The following HEATR4 variants were observed in gnomAD, a reference collection of about 807,000 sequenced individuals.
HEATR4 encodes HEAT repeat containing 4.
HEATR4 carries 95 observed loss-of-function variants against 108.8 expected under a neutral mutation model. That is an observed-to-expected ratio of 0.87 (90% CI 0.74 to 1.04). HEATR4 has a LOEUF of 1.04. HEATR4 is among the 50% of genes least tolerant of loss of function. The probability of loss-of-function intolerance (pLI) is 0.00; values close to 1 mark genes in which losing one functional copy is unlikely to be tolerated. For missense variants in HEATR4, 1,152 were observed against 1,253.8 expected, an observed-to-expected ratio of 0.92 and a Z score of 1.23; for synonymous variants, 443 against 459.4, an observed-to-expected ratio of 0.96 and a Z score of 0.46.
At chr14:73,525,539 T>C (rs1888271076) in intron 2 of HEATR4, among the ~76,000 whole-genome samples, 1 of 152,170 alleles carries the variant, frequency 6.6e-6, no homozygotes, top group South Asian at 2.1e-4. Flanking sequence ...TGTTTTCTCC[T>C]GAAACAGTGG....
At position 73,537,359 on chromosome 14, in the gene HEATR4, G is replaced by T; in HGVS notation, c.-151-7115C>A. 1 of 1,192,692 alleles carries T rather than the reference G, an allele frequency of 8.4e-7. No individual in the cohort carries two copies. Among genetic ancestry groups the T allele is most frequent in the African/African-American group, 1.6e-5 (1 of 64,084 alleles). 73.9% of individuals were successfully genotyped at this position (1,192,692 alleles called of 1,614,324 possible). A position where few individuals can be genotyped will look rare whatever the true frequency, so the allele number is the denominator to read the frequency against. ...ACGGCAGCCCGAGAGGAAGAGTTGG[G>T]CAGAGTTGCAGGGGTCTCCACAGCT... On this transcript the variant is annotated intron_variant, in intron 1 of 17. Transcript: ENST00000553558.
Position 73,511,080 on chromosome 14 carries a change from G to A in HEATR4, c.1558+926C>T, listed in dbSNP as rs1014274073. On this transcript the variant is annotated intron_variant, in intron 7 of 17. Transcript: ENST00000553558. ...GGGAACAGGTGGGCATTTAACTGAA[G>A]TTCAAATTCTCAAGTAGGAAGGGGA... is the stretch of plus-strand genomic sequence containing the variant. Among the ~76,000 whole-genome samples, 3 of 152,178 alleles carry A rather than the reference G, an allele frequency of 2.0e-5. No homozygotes were observed. In the East Asian group the frequency reaches 5.8e-4, roughly 29 times the overall value.
rs753157707 is a variant in HEATR4 at position 73,492,177 on chromosome 14, T to C, written c.2844+889A>G. 2 of 1,614,018 alleles carry C rather than the reference T, an allele frequency of 1.2e-6. No individual in the cohort carries two copies. The highest frequency in any genetic ancestry group is 1.1e-5 in the South Asian group (1 of 91,084). On this transcript the variant is annotated intron_variant, in intron 17 of 17. Coordinates refer to ENST00000553558, the MANE Select transcript of HEATR4 (RefSeq NM_001220484.1). The surrounding 1 kb of genome is among the most constrained non-coding windows in gnomAD (Gnocchi z 4.9). ...CAGGACGACCTCGGTGAGCCGGTGCTGCAGACCGTGCTGGAACCTGGAGAT... is the reference window on the plus strand; with the variant it reads ...CAGGACGACCTCGGTGAGCCGGTGCCGCAGACCGTGCTGGAACCTGGAGAT...
the HEATR4 span, among the ~76,000 whole-genome samples, chr14:73,572,930 G>C: frequency 0.12 from 18,740 of 150,626 alleles, 1,705 homozygotes; most frequent in African/African-American, 0.25. Flanking sequence ...ACAGGCGTGA[G>C]CCACCGGACC....
chr14:73,491,871 C>T (rs1201837796), intron 17 of HEATR4: 4 of 1,611,140 alleles, frequency 2.5e-6, no homozygotes, highest in Admixed American at 1.7e-5. Flanking sequence ...CTGCCCGCCG[C>T]CGCGTGGTCC....
intron 10 of HEATR4, among the ~76,000 whole-genome samples, chr14:73,503,313 A>G (rs368038889): frequency 6.6e-6 from 1 of 152,214 alleles, no homozygotes; most frequent in Non-Finnish European, 1.5e-5. Flanking sequence ...ATCAGTGCCA[A>G]CATAACTTGT....
At chr14:73,537,335 C>A in intron 1 of HEATR4, 1 of 1,129,866 alleles carries the variant, frequency 8.9e-7, no homozygotes. Flanking sequence ...TAGCCTGCGA[C>A]GGCAGCCCGA....
At chr14:73,479,160 G>A (rs1211844914) in intron 17 of HEATR4, among the ~76,000 whole-genome samples, 2 of 150,666 alleles carry the variant, frequency 1.3e-5, no homozygotes, top group Non-Finnish European at 2.9e-5. Context: ...CTCTCTCCCA[G>A]GCTGGAGTGC....
the HEATR4 span, among the ~76,000 whole-genome samples, chr14:73,573,139 T>C: frequency 6.6e-6 from 1 of 151,894 alleles, no homozygotes; most frequent in Non-Finnish European, 1.5e-5. Context: ...TTCTTGGTGG[T>C]GCACCATTAA....
the HEATR4 span, among the ~76,000 whole-genome samples, chr14:73,567,107 C>T: frequency 1.3e-5 from 2 of 152,024 alleles, no homozygotes; most frequent in East Asian, 3.9e-4. Context: ...GCGCCCATCC[C>T]CTTTTTCTTT....
At chr14:73,566,555 C>T in the HEATR4 span, among the ~76,000 whole-genome samples, 2 of 152,194 alleles carry the variant, frequency 1.3e-5, no homozygotes, top group African/African-American at 4.8e-5. Context: ...ACCCAGCACA[C>T]CCTCCGCAGC....
In HEATR4 at chr14:73,478,773, C is replaced by T; in HGVS notation, c.2914G>A (p.Val972Ile). ...SVPGLTTRSK[V>I]RSSLVKDLRT... ...AGATCTTTGACAAGTGATGAACGAA[C>T]TTTGCTTCGTGTGGTTAGGCCTGGG... The change falls in exon 18 of 18, where the codon GTT becomes ATT. Residue 972 changes from valine to isoleucine, a missense_variant. Val to Ile is a conservative substitution (Grantham distance 29). Transcript: ENST00000553558. 6.2e-7 allele frequency: 1 copy of T among 1,613,934 alleles called. No individual in the cohort carries two copies. The highest frequency in any genetic ancestry group is 8.5e-7 in the Non-Finnish European group (1 of 1,179,980).
chr14:73,500,748 CT>C lies in HEATR4; in HGVS notation c.2106-19del. On this transcript the variant is annotated intron_variant, in intron 11 of 17. Coordinates refer to ENST00000553558, the MANE Select transcript of HEATR4 (RefSeq NM_001220484.1). ...GCTTGACCCTGTAAGGCACAAGTTG[CT>C]TTCCTTTCACCTCCTTAAACTTTCA... 2 of 1,608,416 alleles carry C rather than the reference CT, an allele frequency of 1.2e-6. No homozygotes were observed. The highest frequency in any genetic ancestry group is 1.7e-6 in the Non-Finnish European group (2 of 1,175,722).
intron 17 of HEATR4, among the ~76,000 whole-genome samples, chr14:73,479,436 TTTC>T (rs1885157773): frequency 1.1e-5 from 1 of 90,008 alleles, no homozygotes; most frequent in East Asian, 4.9e-4. Context: ...TCTTTCTTTC[TTTC>T]TTTTTTTTTT....
At chr14:73,550,790 C>G (rs1288375581) in intron 1 of HEATR4, among the ~76,000 whole-genome samples, 1 of 115,482 alleles carries the variant, frequency 8.7e-6, no homozygotes, top group Admixed American at 9.9e-5. Flanking sequence ...AGACAAGAAC[C>G]GAGGTGTCAC....
chr14:73,504,703 A>G (rs527816777), intron 10 of HEATR4, among the ~76,000 whole-genome samples: 1 of 152,306 alleles, frequency 6.6e-6, no homozygotes, highest in African/African-American at 2.4e-5. Flanking sequence ...TCCCATATCA[A>G]AATGTCAGGG....
intron 16 of HEATR4, 163 bp from the exon 17 acceptor site, chr14:73,493,287 A>C (rs1028964854): frequency 4.0e-5 from 24 of 598,180 alleles, no homozygotes; most frequent in Non-Finnish European, 6.9e-5. Context: ...TGGAATTTGG[A>C]TCTTTCATCT....
the HEATR4 span, among the ~76,000 whole-genome samples, chr14:73,579,265 T>TAAAAAAAAAAAA: frequency 1.4e-5 from 1 of 70,836 alleles, no homozygotes; most frequent in Non-Finnish European, 2.6e-5. Context: ...TCAAAAAAAT[T>TAAAAAAAAAAAA]AAAAAAAAAA....
chr14:73,552,999 A>C lies in HEATR4; in HGVS notation c.-152+5752T>G, dbSNP rs1464134250. 3.5e-5 allele frequency among the ~76,000 whole-genome samples: 4 copies of C among 114,052 alleles called. 1 individual carries two copies. Among genetic ancestry groups the C allele is most frequent in the Admixed American group, 9.8e-5 (1 of 10,208 alleles). 74.8% of individuals were successfully genotyped at this position (114,052 alleles called of 152,430 possible). A position where few individuals can be genotyped will look rare whatever the true frequency, so the allele number is the denominator to read the frequency against. On this transcript the variant is annotated intron_variant, in intron 1 of 17. Coordinates refer to ENST00000553558, the MANE Select transcript of HEATR4 (RefSeq NM_001220484.1). ...ACACTATTCGGCATTCCTGACTCCCACTGTTCCTGGCTCACGGCCTGGCCA... is the reference window on the plus strand; with the variant it reads ...ACACTATTCGGCATTCCTGACTCCCCCTGTTCCTGGCTCACGGCCTGGCCA...
Sources: allele counts gnomAD v4.1 joint callset (sites outside exome capture counted in the v4.1 genomes callset), GRCh38; gene constraint gnomAD v4.1.1; non-coding constraint Gnocchi (gnomAD v3.1); transcripts MANE v1.5; gene names NCBI Gene and HGNC (gene_info 2026-07-23, HGNC 2026-07-21).